The following KLHL8 variants were observed in gnomAD, a reference collection of about 807,000 sequenced individuals.
The protein encoded by KLHL8 is kelch like family member 8.
Under a neutral mutation model 63.5 loss-of-function variants are expected in KLHL8, and 38 were observed. The ratio of observed to expected loss-of-function variants is 0.60; its 90% CI spans 0.46 to 0.78. The LOEUF (loss-of-function observed/expected upper bound fraction) is 0.78, where lower values mean the gene tolerates loss of function less well. Among genes scored for constraint, KLHL8 ranks in the 30% least tolerant of loss-of-function variants. The pLI is 0.00. For missense variants in KLHL8, 566 were observed against 752.4 expected (o/e 0.75, Z 2.90); for synonymous variants, 224 against 254.3 (o/e 0.88, Z 1.13).
Position 87,161,328 on chromosome 4 carries a change from G to A in KLHL8, c.*2191C>T, listed in dbSNP as rs529422305. The stretch of plus-strand genomic sequence containing the variant: ...CAAAGTGCTGGGATCACAGGCGTGA[G>A]CCACCATGCCTGGCCTATTTATCTT... On this transcript the variant is annotated 3_prime_UTR_variant, in exon 10 of 10. Coordinates refer to ENST00000273963, the MANE Select transcript of KLHL8 (RefSeq NM_020803.5). The A allele has an allele frequency of 6.6e-6, 1 of 152,416 alleles. No individual in the cohort carries two copies. The highest frequency in any genetic ancestry group is 1.9e-4 in the East Asian group (1 of 5,182). The allele number at this position is 152,416 out of a possible 1,614,324, so 9.4% of individuals were successfully genotyped here.
At chr4:87,189,170 T>C (rs1400496695) in intron 2 of KLHL8, among the ~76,000 whole-genome samples, 2 of 152,206 alleles carry the variant, frequency 1.3e-5, no homozygotes, top group Non-Finnish European at 2.9e-5. Flanking sequence ...AGGGTCAGCC[T>C]TACTTGAACA....
intron 1 of KLHL8, among the ~76,000 whole-genome samples, chr4:87,218,624 C>T (rs910204656): frequency 1.1e-4 from 16 of 152,228 alleles, no homozygotes; most frequent in African/African-American, 2.9e-4. Flanking sequence ...CAGAATATAT[C>T]ATCTTAACCA....
chr4:87,220,545 T>C lies in KLHL8; in HGVS notation c.-279A>G, dbSNP rs1217157597. Reference sequence around the variant, plus strand: ...GCGAGCACCCGGCGGACGCGCGCTCTCCTGCGCGGCCCCGCGGAGCCCCGG... The same window carrying C: ...GCGAGCACCCGGCGGACGCGCGCTCCCCTGCGCGGCCCCGCGGAGCCCCGG... On this transcript the variant is annotated 5_prime_UTR_variant, in exon 1 of 10. Transcript: ENST00000273963. The C allele has an allele frequency of 6.6e-6, 1 of 152,002 alleles. No individual in the cohort carries two copies. Among genetic ancestry groups the C allele is most frequent in the Non-Finnish European group, 1.5e-5 (1 of 68,002 alleles). 9.4% of individuals were successfully genotyped at this position (152,002 alleles called of 1,614,324 possible). A position where few individuals can be genotyped will look rare whatever the true frequency, so the allele number is the denominator to read the frequency against.
At chr4:87,213,504 T>C (rs1321588803) in intron 1 of KLHL8, among the ~76,000 whole-genome samples, 1 of 152,208 alleles carries the variant, frequency 6.6e-6, no homozygotes, top group Admixed American at 6.5e-5. Context: ...AGCACATTGC[T>C]GAGCTTACAT....
intron 6 of KLHL8, among the ~76,000 whole-genome samples, chr4:87,174,982 G>A (rs1340400949): frequency 6.6e-6 from 1 of 152,040 alleles, no homozygotes; most frequent in Non-Finnish European, 1.5e-5. Flanking sequence ...AGATCACAAC[G>A]CTTCAACTAT....
upstream of KLHL8, among the ~76,000 whole-genome samples, chr4:87,224,924 A>G (rs1407206605): frequency 6.6e-6 from 1 of 152,032 alleles, no homozygotes; most frequent in Non-Finnish European, 1.5e-5. Flanking sequence ...TTATTTTGTT[A>G]AAGAGATGGA....
Position 87,170,240 on chromosome 4 carries a change from T to C in KLHL8, c.1378-2A>G. The stretch of plus-strand genomic sequence containing the variant: ...GCCACCTACTGCATAAACATGGTTC[T>C]AAATGAAGAGAGTCAAACAAAACAC... On this transcript the variant is annotated splice_acceptor_variant, in intron 7 of 9. Transcript: ENST00000273963. LOFTEE classifies it high-confidence loss of function. 1 of 1,605,692 alleles carries C rather than the reference T, an allele frequency of 6.2e-7. No individual in the cohort carries two copies. Among genetic ancestry groups the C allele is most frequent in the Non-Finnish European group, 8.5e-7 (1 of 1,176,846 alleles).
chr4:87,205,312 T>C (rs1732079306), intron 1 of KLHL8, among the ~76,000 whole-genome samples: 1 of 152,024 alleles, frequency 6.6e-6, no homozygotes, highest in Admixed American at 6.5e-5. Context: ...GAGGCTGAAG[T>C]GGGAGGATCG....
intron 6 of KLHL8, among the ~76,000 whole-genome samples, chr4:87,174,681 GAC>G (rs1237172684): frequency 6.6e-6 from 1 of 152,060 alleles, no homozygotes; most frequent in Non-Finnish European, 1.5e-5. Flanking sequence ...CTGACACAGA[GAC>G]AGAATTATTC....
chr4:87,198,024 A>AC (rs1206081521), intron 1 of KLHL8, among the ~76,000 whole-genome samples: 1 of 151,632 alleles, frequency 6.6e-6, no homozygotes, highest in Non-Finnish European at 1.5e-5. Context: ...AAAAAAAAAA[A>AC]AAACCACTTA....
At chr4:87,170,263 C>G in intron 7 of KLHL8, 25 bp from the exon 8 acceptor site, 1 of 1,587,898 alleles carries the variant, frequency 6.3e-7, no homozygotes, top group Non-Finnish European at 8.6e-7. Flanking sequence ...TCAAACAAAA[C>G]ACATTAGATT....
intron 1 of KLHL8, among the ~76,000 whole-genome samples, chr4:87,196,057 T>G (rs1392514517): frequency 1.3e-5 from 2 of 152,038 alleles, no homozygotes; most frequent in East Asian, 3.9e-4. Flanking sequence ...TCATGCAATC[T>G]ACCCACCTAG....
At chr4:87,176,175 G>T (rs1730810290) in intron 6 of KLHL8, among the ~76,000 whole-genome samples, 1 of 152,192 alleles carries the variant, frequency 6.6e-6, no homozygotes, top group African/African-American at 2.4e-5. Context: ...CAGGTGCAGG[G>T]TAGGTGGCAA....
At chr4:87,218,375 C>T (rs1202583483) in intron 1 of KLHL8, among the ~76,000 whole-genome samples, 2 of 152,000 alleles carry the variant, frequency 1.3e-5, no homozygotes, top group African/African-American at 4.8e-5. Flanking sequence ...CGCCACCATG[C>T]CCAGCTAATT....
chr4:87,185,842 T>C, intron 2 of KLHL8, 43 bp from the exon 3 acceptor site: 1 of 1,473,934 alleles, frequency 6.8e-7, no homozygotes, highest in Non-Finnish European at 9.0e-7. Context: ...AATATCAAAA[T>C]CAGCTTCAGG....
At chr4:87,204,121 T>A (rs1732026515) in intron 1 of KLHL8, among the ~76,000 whole-genome samples, 1 of 152,112 alleles carries the variant, frequency 6.6e-6, no homozygotes, top group South Asian at 2.1e-4. Flanking sequence ...CTACATAGGA[T>A]GACTGCTTAA....
chr4:87,165,104 T>A (rs779833744), intron 8 of KLHL8, among the ~76,000 whole-genome samples: 3 of 142,218 alleles, frequency 2.1e-5, no homozygotes, highest in Non-Finnish European at 3.0e-5. Flanking sequence ...GAGCCGAGAT[T>A]GTGCCACTGC....
rs1578411141 is a variant in KLHL8, at chr4:87,227,008, T to C, written n.58-5618A>G. On this transcript the variant is annotated intron_variant and non_coding_transcript_variant, in intron 1 of 1. Coordinates refer to the KLHL8 transcript ENST00000506274. ...TATAATATATAAATAATATATATTA[T>C]ATATAAATAATATATATTATATTTC... 2.9e-5 allele frequency among the ~76,000 whole-genome samples: 3 copies of C among 103,268 alleles called. No individual in the cohort carries two copies. In the South Asian group the frequency reaches 7.8e-4, roughly 27 times the overall value. The allele number at this position is 103,268 out of a possible 152,430, so 67.7% of individuals were successfully genotyped here.
At position 87,214,415 on chromosome 4, in the gene KLHL8, G is replaced by GATATATATATATAT. The variant is rs58112792; in HGVS notation, c.-152+5989_-152+6002dup. 1.2e-3 allele frequency among the ~76,000 whole-genome samples: 114 copies of GATATATATATATAT among 93,038 alleles called. 9 individuals carry two copies. The highest frequency in any genetic ancestry group is 1.8e-3 in the Non-Finnish European group (76 of 42,272). 61.0% of individuals were successfully genotyped at this position (93,038 alleles called of 152,430 possible). A position where few individuals can be genotyped will look rare whatever the true frequency, so the allele number is the denominator to read the frequency against. ...TGAGTTAACAAACTGGCACATAACA[G>GATATATATATATAT]ATATATATATATATATATATATATA... On this transcript the variant is annotated intron_variant, in intron 1 of 9. Transcript: ENST00000273963.
Sources: gnomAD v4.1 joint callset for allele counts (sites outside exome capture counted in the v4.1 genomes callset) on GRCh38, gnomAD v4.1.1 for gene constraint, MANE v1.5 for transcripts, NCBI Gene and HGNC (gene_info 2026-07-23, HGNC 2026-07-21) for gene names.